PCDH15: variants seen among roughly 807,000 people sequenced by gnomAD.
The protein encoded by PCDH15 is protocadherin related 15.
PCDH15 carries 129 observed loss-of-function variants against 178.5 expected under a neutral mutation model. The ratio of observed to expected loss-of-function variants is 0.72; its 90% confidence interval spans 0.63 to 0.84. PCDH15 has a LOEUF of 0.84. Among genes scored for constraint, PCDH15 ranks in the 40% least tolerant of loss-of-function variants. The probability of loss-of-function intolerance (pLI) is 0.00; values close to 1 mark genes in which losing one functional copy is unlikely to be tolerated. For synonymous variants in PCDH15, 800 were observed against 732.0 expected (o/e 1.09, Z -1.50); for missense variants, 2,230 against 2,099.9 (o/e 1.06, Z -1.21).
At chr10:55,455,698 C>T (rs1839535527) in intron 2 of PCDH15, among the ~76,000 whole-genome samples, 2 of 151,984 alleles carry the variant, frequency 1.3e-5, no homozygotes, top group African/African-American at 2.4e-5. Flanking sequence ...ATTAGTATAG[C>T]TCTTTTTGAG....
intron 3 of PCDH15, among the ~76,000 whole-genome samples, chr10:54,846,475 T>C (rs529258478): frequency 1.3e-5 from 2 of 152,202 alleles, no homozygotes; most frequent in South Asian, 2.1e-4. Context: ...TTCTTCTACA[T>C]TTTTGAAGGT....
chr10:55,161,158 A>G (rs1302153390), intron 2 of PCDH15, among the ~76,000 whole-genome samples: 2 of 152,130 alleles, frequency 1.3e-5, no homozygotes, highest in Admixed American at 1.3e-4. Flanking sequence ...TAGGGGTGGG[A>G]TAGCTATGGG....
At chr10:54,165,907 G>A (rs1341106122) in intron 13 of PCDH15, among the ~76,000 whole-genome samples, 6 of 152,162 alleles carry the variant, frequency 3.9e-5, no homozygotes, top group Non-Finnish European at 5.9e-5. Flanking sequence ...AGGTGCTCTA[G>A]GAAAGGAGAT....
At chr10:54,222,474 G>C (rs553264678) in intron 9 of PCDH15, among the ~76,000 whole-genome samples, 4 of 152,122 alleles carry the variant, frequency 2.6e-5, no homozygotes, top group African/African-American at 9.7e-5. Context: ...TCAGTATAAA[G>C]CATTAGAGAT....
intron 2 of PCDH15, among the ~76,000 whole-genome samples, chr10:55,590,765 A>T (rs1304320647): frequency 2.0e-5 from 3 of 152,174 alleles, no homozygotes; most frequent in Non-Finnish European, 4.4e-5. Flanking sequence ...GCATCTGGTC[A>T]TATGGTATAT....
intron 23 of PCDH15, among the ~76,000 whole-genome samples, chr10:53,953,547 T>A (rs1419132911): frequency 6.6e-6 from 1 of 151,864 alleles, no homozygotes; most frequent in Non-Finnish European, 1.5e-5. Context: ...GGAAATAACA[T>A]CAGTTCACAG....
intron 5 of PCDH15, among the ~76,000 whole-genome samples, chr10:54,358,443 A>C (rs1174397836): frequency 6.6e-6 from 1 of 152,228 alleles, no homozygotes; most frequent in East Asian, 1.9e-4. Flanking sequence ...AGAGAAATGC[A>C]ACTCAAAACC....
intron 2 of PCDH15, among the ~76,000 whole-genome samples, chr10:54,548,629 T>C (rs1001455296): frequency 3.7e-4 from 23 of 61,494 alleles, no homozygotes; most frequent in African/African-American, 8.5e-4. Flanking sequence ...ATATATTATA[T>C]ATAAATATAT....
At chr10:55,560,668 A>T (rs1397620753) in intron 2 of PCDH15, among the ~76,000 whole-genome samples, 1 of 151,932 alleles carries the variant, frequency 6.6e-6, no homozygotes, top group East Asian at 1.9e-4. Flanking sequence ...TAATGTCACC[A>T]TGTAATATCA....
intron 2 of PCDH15, among the ~76,000 whole-genome samples, chr10:55,610,213 C>G (rs1441504173): frequency 6.6e-6 from 1 of 152,062 alleles, no homozygotes; most frequent in East Asian, 1.9e-4. Flanking sequence ...GAATGAAAAG[C>G]AGTTTAAATT....
intron 17 of PCDH15, among the ~76,000 whole-genome samples, chr10:54,071,405 C>T (rs1034707638): frequency 6.6e-6 from 1 of 152,014 alleles, no homozygotes; most frequent in Non-Finnish European, 1.5e-5. Flanking sequence ...ATTTAATAAG[C>T]AATTTTGGCT....
intron 1 of PCDH15, among the ~76,000 whole-genome samples, chr10:54,730,235 C>A (rs576213304): frequency 2.0e-5 from 3 of 151,488 alleles, no homozygotes; most frequent in Non-Finnish European, 4.4e-5. Flanking sequence ...AGAATGAAAT[C>A]ATGTACTTTT....
chr10:54,220,684 G>A (rs2052680343), intron 9 of PCDH15, among the ~76,000 whole-genome samples: 1 of 152,036 alleles, frequency 6.6e-6, no homozygotes. Context: ...AATTAGCCGG[G>A]CGTGGTGGCG....
chr10:55,526,808 C>T (rs572486818), intron 2 of PCDH15, among the ~76,000 whole-genome samples: 13 of 152,160 alleles, frequency 8.5e-5, no homozygotes, highest in African/African-American at 3.1e-4. Flanking sequence ...AAGGAATGGA[C>T]TTTCAACTTC....
chr10:55,310,555 C>G (rs565562309), intron 1 of PCDH15, among the ~76,000 whole-genome samples: 1 of 152,152 alleles, frequency 6.6e-6, no homozygotes, highest in African/African-American at 2.4e-5. Context: ...TAAACACATA[C>G]AGCATGTGTT....
chr10:55,250,116 T>C (rs1310150945), intron 1 of PCDH15, among the ~76,000 whole-genome samples: 1 of 152,068 alleles, frequency 6.6e-6, no homozygotes, highest in African/African-American at 2.4e-5. Context: ...CCAAAATTAA[T>C]GGTATTTTAA....
chr10:55,107,328 T>G (rs182452914), intron 2 of PCDH15, among the ~76,000 whole-genome samples: 1 of 152,220 alleles, frequency 6.6e-6, no homozygotes, highest in African/African-American at 2.4e-5. Context: ...ATAAGTTGGA[T>G]GAGATATGGA....
intron 2 of PCDH15, among the ~76,000 whole-genome samples, chr10:55,545,338 G>C (rs1022519920): frequency 6.6e-6 from 1 of 150,966 alleles, no homozygotes; most frequent in Non-Finnish European, 1.5e-5. Context: ...TGCAGTGGTA[G>C]CATCTTGGTT....
At chr10:54,993,853 G>T (rs1839572885) in intron 2 of PCDH15, among the ~76,000 whole-genome samples, 3 of 152,014 alleles carry the variant, frequency 2.0e-5, no homozygotes, top group African/African-American at 7.2e-5. Context: ...GACACGAAAA[G>T]ATCAACCATC....
Sources: gnomAD v4.1 joint callset for allele counts (sites outside exome capture counted in the v4.1 genomes callset) on GRCh38, gnomAD v4.1.1 for gene constraint, MANE v1.5 for transcripts, NCBI Gene and HGNC (gene_info 2026-07-23, HGNC 2026-07-21) for gene names.